The following FLNB variants were observed in gnomAD, a reference collection of about 807,000 sequenced individuals.
FLNB encodes filamin B.
Under a neutral mutation model 250.6 loss-of-function variants are expected in FLNB, and 111 were observed. That is an observed-to-expected ratio of 0.44 (90% CI 0.38 to 0.52). FLNB has a LOEUF of 0.52. FLNB is among the 20% of genes least tolerant of loss of function. FLNB has a pLI of 0.00. For synonymous variants in FLNB, 1,302 were observed against 1,372.1 expected (o/e 0.95, Z 1.13); for missense variants, 2,869 against 3,447.8 (o/e 0.83, Z 4.20).
intron 38 of FLNB, chr3:58,150,526 A>ATG (rs2097343109): frequency 1.2e-5 from 5 of 431,466 alleles, no homozygotes; most frequent in African/African-American, 8.0e-5. Flanking sequence ...CTATCTGTCA[A>ATG]ATAGAATCAT....
chr3:58,096,298 T>A (rs1273569003), intron 6 of FLNB, 80 bp downstream of exon 6: 8 of 1,009,378 alleles, frequency 7.9e-6, no homozygotes, highest in African/African-American at 1.6e-5. Context: ...AAGAGTGTTT[T>A]TCTTAAGTGA....
intron 9 of FLNB, 110 bp downstream of exon 9, chr3:58,102,450 A>G (rs1367122012): frequency 8.7e-6 from 11 of 1,268,136 alleles, no homozygotes; most frequent in South Asian, 6.0e-5. Context: ...CCAGAAGGCT[A>G]TGTCAAGGAT....
rs112463821 is a variant in FLNB at position 58,159,771 on chromosome 3, G to A, written c.7021+85G>A. On this transcript the variant is annotated intron_variant, in intron 42 of 45. Transcript: ENST00000295956. ...TAAATGTGTGTCCCAAGGGAGGGCT[G>A]ATCAGTTTCATTACTGCCAGTGAGC... 669 of 1,445,294 alleles carry A rather than the reference G, an allele frequency of 4.6e-4. 10 individuals carry two copies. In the African/African-American group the frequency reaches 8.3e-3, roughly 18 times the overall value. The allele number at this position is 1,445,294 out of a possible 1,614,324, so 89.5% of individuals were successfully genotyped here. A position where few individuals can be genotyped will look rare whatever the true frequency, so the allele number is the denominator to read the frequency against.
At chr3:58,039,047 A>G (rs1460675816) in intron 1 of FLNB, among the ~76,000 whole-genome samples, 1 of 149,960 alleles carries the variant, frequency 6.7e-6, no homozygotes, top group Non-Finnish European at 1.5e-5. Flanking sequence ...TTTAAAAAAA[A>G]GACAAGATCT....
Position 58,145,755 on chromosome 3 carries a change from G to C in FLNB, c.5426-166G>C, listed in dbSNP as rs564340858. 7.2e-5 allele frequency among the ~76,000 whole-genome samples: 11 copies of C among 152,292 alleles called. 1 individual carries two copies. In the South Asian group the frequency reaches 2.1e-3, roughly 29 times the overall value. ...GCGTAGACCCTCTCTGATGTCCTAG[G>C]ATGGCGGGGGATGGGAGGTGCATGT... On this transcript the variant is annotated intron_variant, in intron 32 of 45. Coordinates refer to ENST00000295956, the MANE Select transcript of FLNB (RefSeq NM_001457.4).
chr3:58,069,161 G>T (rs1373709250), intron 1 of FLNB, among the ~76,000 whole-genome samples: 5 of 150,028 alleles, frequency 3.3e-5, no homozygotes, highest in Non-Finnish European at 7.4e-5. Flanking sequence ...AAAAGGAGGG[G>T]CCAGACCCCT....
chr3:58,096,842 T>C (rs1331232828), intron 6 of FLNB, among the ~76,000 whole-genome samples: 1 of 152,174 alleles, frequency 6.6e-6, no homozygotes, highest in Non-Finnish European at 1.5e-5. Flanking sequence ...TTAAGAACTC[T>C]CCTTGGAGGT....
intron 1 of FLNB, among the ~76,000 whole-genome samples, chr3:58,028,610 T>A (rs1442189192): frequency 7.8e-6 from 1 of 127,600 alleles, no homozygotes; most frequent in Non-Finnish European, 1.5e-5. Context: ...AATTTTTTTT[T>A]CTTTTCTTTT....
rs780184058 is a variant in FLNB, at chr3:58,106,867, T to A, written c.1935T>A (p.Pro645=). Residue 645 remains proline, a synonymous_variant, in exon 12 of 46, where the codon CCT becomes CCA. Coordinates refer to ENST00000295956, the MANE Select transcript of FLNB (RefSeq NM_001457.4). ...ACCCAGCCACGGGAGGCTACAACCC[T>A]GATCTGGTGAATCAGCTGCTGTGCT... ...FIHPATGGYN[P]DLVRAYGPGL... 6.2e-7 allele frequency: 1 copy of A among 1,613,308 alleles called. No homozygotes were observed. The highest frequency in any genetic ancestry group is 8.5e-7 in the Non-Finnish European group (1 of 1,179,730).
In FLNB at chr3:58,149,974, C is replaced by T. The variant is rs2097342074; in HGVS notation, c.6216C>T (p.Ser2072=). The T allele has an allele frequency of 6.2e-7, 1 of 1,614,254 alleles. No individual in the cohort carries two copies. Among genetic ancestry groups the T allele is most frequent in the Non-Finnish European group, 8.5e-7 (1 of 1,180,052 alleles). ...FPTVPGVYIV[S]TKFADEHVPG... is the part of the protein sequence containing the mutation. ...CCGTGCCTGGGGTTTATATCGTCTC[C>T]ACCAAATTCGCTGACGAGCACGTGC... The change falls in exon 37 of 46, where the codon TCC becomes TCT. Residue 2072 remains serine (S), a synonymous_variant. Coordinates refer to ENST00000295956, the MANE Select transcript of FLNB (RefSeq NM_001457.4).
intron 1 of FLNB, among the ~76,000 whole-genome samples, chr3:58,013,983 CT>C (rs2097102405): frequency 6.6e-6 from 1 of 152,348 alleles, no homozygotes; most frequent in East Asian, 1.9e-4. Context: ...CTATTAGAAA[CT>C]TCTGTGCCTT....
At chr3:58,070,096 T>A (rs1293633602) in intron 1 of FLNB, among the ~76,000 whole-genome samples, 28 of 150,024 alleles carry the variant, frequency 1.9e-4, no homozygotes, top group Admixed American at 1.9e-3. Flanking sequence ...TCACCCAGGC[T>A]GGAGTGCAGT....
chr3:58,098,174 A>G (rs1355309908), intron 7 of FLNB, among the ~76,000 whole-genome samples, 197 bp downstream of exon 7: 1 of 152,264 alleles, frequency 6.6e-6, no homozygotes, highest in Non-Finnish European at 1.5e-5. Flanking sequence ...CTTCACTTGA[A>G]TAAGACATAC....
intron 6 of FLNB, among the ~76,000 whole-genome samples, chr3:58,097,533 G>A (rs2097241086): frequency 6.6e-6 from 1 of 152,198 alleles, no homozygotes; most frequent in South Asian, 2.1e-4. Flanking sequence ...TCCAGAGATT[G>A]AAATGTGTTT....
At chr3:58,113,361 G>A (rs2097272272) in intron 18 of FLNB, among the ~76,000 whole-genome samples, 1 of 152,204 alleles carries the variant, frequency 6.6e-6, no homozygotes, top group Non-Finnish European at 1.5e-5. Context: ...TGTTTGAAAT[G>A]CCATTTGTAG....
chr3:58,077,991 A>G (rs933812540), intron 2 of FLNB, among the ~76,000 whole-genome samples: 2 of 152,054 alleles, frequency 1.3e-5, no homozygotes, highest in Admixed American at 1.3e-4. Flanking sequence ...TATTAATCAT[A>G]TTTTCCATTT....
chr3:58,150,271 C>A (rs1276850020), intron 38 of FLNB, 44 bp downstream of exon 38: 2 of 1,613,220 alleles, frequency 1.2e-6, no homozygotes, highest in African/African-American at 2.7e-5. Flanking sequence ...TTGGCTCCAG[C>A]CTTCAGGGCA....
At chr3:58,073,078 A>G (rs1160660687) in intron 1 of FLNB, among the ~76,000 whole-genome samples, 1 of 152,184 alleles carries the variant, frequency 6.6e-6, no homozygotes, top group Non-Finnish European at 1.5e-5. Flanking sequence ...GCTCCATCCA[A>G]TCCCTCCTGG....
intron 4 of FLNB, among the ~76,000 whole-genome samples, chr3:58,090,903 C>T (rs1430950761): frequency 6.6e-6 from 1 of 151,844 alleles, no homozygotes; most frequent in African/African-American, 2.4e-5. Context: ...ACGGTGAAAC[C>T]CTGTCTCTAC....
Sources: gnomAD v4.1 joint callset for allele counts (sites outside exome capture counted in the v4.1 genomes callset) on GRCh38, gnomAD v4.1.1 for gene constraint, MANE v1.5 for transcripts, NCBI Gene and HGNC (gene_info 2026-07-23, HGNC 2026-07-21) for gene names.